EDARADD: variants seen among roughly 807,000 people sequenced by gnomAD.
The protein encoded by EDARADD is ectodysplasin-A receptor-associated adapter protein.
A neutral mutation model predicts 25.6 loss-of-function variants in EDARADD; 20 were observed. That is an observed-to-expected ratio of 0.78 (90% CI 0.55 to 1.14). EDARADD has a LOEUF of 1.14. Ranked by LOEUF, EDARADD falls within the 50% of genes most tolerant of loss-of-function variation. The pLI, the probability that EDARADD is intolerant of heterozygous loss-of-function variation, is 0.00. For missense variants in EDARADD, 225 were observed against 270.1 expected (o/e 0.83, Z 1.17); for synonymous variants, 86 against 94.4 (o/e 0.91, Z 0.52).
chr1:236,476,303 A>G (rs1000945951), intron 5 of EDARADD, among the ~76,000 whole-genome samples: 5 of 152,200 alleles, frequency 3.3e-5, no homozygotes, highest in African/African-American at 1.2e-4. Flanking sequence ...AATCTTACAA[A>G]GATAAGACAA....
upstream of EDARADD, among the ~76,000 whole-genome samples, chr1:236,393,391 C>CTTTTTTTTTTTTTTT (rs761525038): frequency 6.0e-3 from 519 of 87,186 alleles, 41 homozygotes; most frequent in African/African-American, 0.014. Context: ...TTCTTTCTTT[C>CTTTTTTTTTTTTTTT]TTTTTTTTTT....
intron 5 of EDARADD, among the ~76,000 whole-genome samples, chr1:236,481,494 G>A (rs1258663650): frequency 2.0e-5 from 3 of 151,952 alleles, no homozygotes; most frequent in Non-Finnish European, 2.9e-5. Context: ...CAGGTGCGGT[G>A]GCTCATGCTT....
chr1:236,357,552 A>C (rs1474242473), intron 3 of EDARADD, among the ~76,000 whole-genome samples: 2 of 152,162 alleles, frequency 1.3e-5, no homozygotes, highest in Admixed American at 1.3e-4. Context: ...GCGTGGCACC[A>C]GCATCTGCTT....
chr1:236,405,989 G>A (rs182656081), intron 1 of EDARADD, among the ~76,000 whole-genome samples: 1 of 147,888 alleles, frequency 6.8e-6, no homozygotes, highest in African/African-American at 2.5e-5. Context: ...ACTTGTCCTG[G>A]ACGCAGCGGG....
intron 3 of EDARADD, among the ~76,000 whole-genome samples, chr1:236,422,062 G>A (rs993157506): frequency 2.0e-5 from 3 of 151,998 alleles, no homozygotes; most frequent in Non-Finnish European, 4.4e-5. Flanking sequence ...TGTGGCATTG[G>A]TGTAGGGAGT....
intron 1 of EDARADD, among the ~76,000 whole-genome samples, chr1:236,403,504 G>C (rs1667652356): frequency 6.6e-6 from 1 of 150,846 alleles, no homozygotes; most frequent in Admixed American, 6.6e-5. Context: ...AGCCAGGATG[G>C]TCTCGATCTC....
Position 236,398,130 on chromosome 1 carries a change from A to G in EDARADD, c.61+3625A>G, listed in dbSNP as rs962175114. ...GGCCATCTTTTATTTTATTTTTATT[A>G]TTATTATTTTTCAAGATGGAGTCTC... On this transcript the variant is annotated intron_variant, in intron 1 of 5. Coordinates refer to ENST00000334232, the MANE Select transcript of EDARADD (RefSeq NM_145861.4). The surrounding 1 kb of genome is among the most constrained non-coding windows in gnomAD (Gnocchi z 4.1). Among the ~76,000 whole-genome samples the G allele has an allele frequency of 2.0e-5, 3 of 151,810 alleles. No homozygotes were observed. Among genetic ancestry groups the G allele is most frequent in the Non-Finnish European group, 2.9e-5 (2 of 67,968 alleles).
chr1:236,397,996 C>T (rs900968968), intron 1 of EDARADD, among the ~76,000 whole-genome samples: 16 of 152,204 alleles, frequency 1.1e-4, no homozygotes, highest in African/African-American at 3.1e-4. Context: ...CATACTCTCT[C>T]GCCTGATTTC....
Position 236,484,145 on chromosome 1 carries a change from G to A in EDARADD, c.*1496G>A, listed in dbSNP as rs1038417898. Reference sequence around the variant, plus strand: ...ATCTCAGAGTGACCAACCCAAAGAGGACAGCCTCGGCCGTGAATGAGAAGA... The same window carrying A: ...ATCTCAGAGTGACCAACCCAAAGAGAACAGCCTCGGCCGTGAATGAGAAGA... On this transcript the variant is annotated 3_prime_UTR_variant, in exon 6 of 6. Coordinates refer to ENST00000334232, the MANE Select transcript of EDARADD (RefSeq NM_145861.4). The surrounding 1 kb of genome is among the most constrained non-coding windows in gnomAD (Gnocchi z 4.1). 1 of 1,399,694 alleles carries A rather than the reference G, an allele frequency of 7.1e-7. No homozygotes were observed. The highest frequency in any genetic ancestry group is 1.0e-6 in the Non-Finnish European group (1 of 985,638). 86.7% of individuals were successfully genotyped at this position (1,399,694 alleles called of 1,614,324 possible).
At chr1:236,473,603 C>T (rs1659419847) in intron 5 of EDARADD, among the ~76,000 whole-genome samples, 1 of 151,856 alleles carries the variant, frequency 6.6e-6, no homozygotes, top group Non-Finnish European at 1.5e-5. Flanking sequence ...CATAGTGAGA[C>T]CCCTCCCCCA....
chr1:236,395,399 A>C lies in EDARADD; in HGVS notation c.61+894A>C, dbSNP rs2103000547. 3.6e-6 allele frequency: 5 copies of C among 1,405,348 alleles called. No individual in the cohort carries two copies. Among genetic ancestry groups the C allele is most frequent in the Non-Finnish European group, 4.6e-6 (5 of 1,078,168 alleles). 87.1% of individuals were successfully genotyped at this position (1,405,348 alleles called of 1,614,324 possible). On this transcript the variant is annotated intron_variant, in intron 1 of 5. Coordinates refer to ENST00000334232, the MANE Select transcript of EDARADD (RefSeq NM_145861.4). This position sits in a 1 kb window ranked among gnomAD's most constrained non-coding sequence, Gnocchi z 6.9. The stretch of plus-strand genomic sequence containing the variant: ...TGGAGGGAGGTACCGAGGGACGCGC[A>C]GCGAAGGGGCTTTGCTAATTGCCAA...
chr1:236,447,233 C>CTTTTCTTTCTTTCTTTCTTT (rs59368020), intron 4 of EDARADD, among the ~76,000 whole-genome samples: 104 of 104,550 alleles, frequency 9.9e-4, no homozygotes, highest in African/African-American at 1.4e-3. Flanking sequence ...TCCTTTCTTT[C>CTTTTCTTTCTTTCTTTCTTT]CTTTCTTTCC....
At chr1:236,442,588 G>A (rs1658430332) in intron 4 of EDARADD, among the ~76,000 whole-genome samples, 1 of 152,198 alleles carries the variant, frequency 6.6e-6, no homozygotes, top group Non-Finnish European at 1.5e-5. Context: ...GAAAATCATA[G>A]TGCCCTTGGA....
chr1:236,439,626 CT>C (rs1658350605), intron 4 of EDARADD, among the ~76,000 whole-genome samples: 1 of 152,160 alleles, frequency 6.6e-6, no homozygotes, highest in African/African-American at 2.4e-5. Flanking sequence ...CATTTTATAG[CT>C]TATTTGCCAT....
chr1:236,356,202 C>T (rs1726672), intron 3 of EDARADD, among the ~76,000 whole-genome samples: 51,864 of 151,816 alleles, frequency 0.34, 9,093 homozygotes, highest in African/African-American at 0.42. Context: ...CCAGCAGTAG[C>T]CTCTCCCTAG....
intron 3 of EDARADD, among the ~76,000 whole-genome samples, chr1:236,377,773 G>C (rs551899819): frequency 1.3e-5 from 2 of 151,858 alleles, no homozygotes; most frequent in South Asian, 4.2e-4. Flanking sequence ...CAGGAGAATC[G>C]CTTGAACCCG....
intron 1 of EDARADD, among the ~76,000 whole-genome samples, chr1:236,401,944 G>A (rs1237926578): frequency 1.3e-5 from 2 of 152,058 alleles, no homozygotes; most frequent in South Asian, 4.1e-4. Flanking sequence ...GAGTCTGTCG[G>A]GTGGTCAGTG....
In EDARADD at chr1:236,395,331, C is replaced by G. The variant is rs1222154032; in HGVS notation, c.61+826C>G. The G allele has an allele frequency of 6.1e-6, 8 of 1,305,842 alleles. No individual in the cohort carries two copies. The highest frequency in any genetic ancestry group is 7.8e-6 in the Non-Finnish European group (8 of 1,023,802). The allele number at this position is 1,305,842 out of a possible 1,614,324, so 80.9% of individuals were successfully genotyped here. A position where few individuals can be genotyped will look rare whatever the true frequency, so the allele number is the denominator to read the frequency against. Reference sequence around the variant, plus strand: ...GGACACTCGGGGCCCCGCCTTGCGTCCCAGCCCCGGGTCGCGGCACCCCGG... The same window carrying G: ...GGACACTCGGGGCCCCGCCTTGCGTGCCAGCCCCGGGTCGCGGCACCCCGG... On this transcript the variant is annotated intron_variant, in intron 1 of 5. Transcript: ENST00000334232. The surrounding 1 kb of genome is among the most constrained non-coding windows in gnomAD (Gnocchi z 6.9).
intron 4 of EDARADD, among the ~76,000 whole-genome samples, chr1:236,464,753 C>T (rs953469814): frequency 1.3e-5 from 2 of 152,198 alleles, no homozygotes; most frequent in South Asian, 4.2e-4. Flanking sequence ...ACTTTTGACA[C>T]TGCTCCCCCT....
Sources: gnomAD v4.1 joint callset for allele counts (sites outside exome capture counted in the v4.1 genomes callset) on GRCh38, gnomAD v4.1.1 for gene constraint, Gnocchi (gnomAD v3.1) non-coding constraint, MANE v1.5 for transcripts, NCBI Gene and HGNC (gene_info 2026-07-23, HGNC 2026-07-21) for gene names.